Variants in LRP4 observed in about 807,000 individuals in gnomAD.
LRP4 encodes the protein low-density lipoprotein receptor-related protein 4.
A neutral mutation model predicts 220.3 loss-of-function variants in LRP4; 95 were observed. That is an observed-to-expected ratio of 0.43 (90% CI 0.37 to 0.51). LRP4 has a LOEUF of 0.51. LRP4 is among the 20% of genes least tolerant of loss of function. The pLI is 0.00. For missense variants in LRP4, 1,925 were observed against 2,567.0 expected, an observed-to-expected ratio of 0.75 and a Z score of 5.40; for synonymous variants, 903 against 954.6, an observed-to-expected ratio of 0.95 and a Z score of 1.00.
Position 46,913,215 on chromosome 11 carries a change from A to G in LRP4, c.52+5113T>C, listed in dbSNP as rs551628742. Among the ~76,000 whole-genome samples the G allele has an allele frequency of 2.6e-5, 4 of 152,296 alleles. No individual in the cohort carries two copies. In the South Asian group the frequency reaches 8.3e-4, roughly 32 times the overall value. ...CAGTGAAAGAATGAAGTCTGCTTGG[A>G]TGGGCGTAAGAGGCGCCCAAGGGCA... On this transcript the variant is annotated intron_variant, in intron 1 of 37. Transcript: ENST00000378623.
At chr11:46,869,208 T>A in intron 31 of LRP4, 76 bp from the exon 32 acceptor site, 1 of 1,417,428 alleles carries the variant, frequency 7.1e-7, no homozygotes, top group Non-Finnish European at 9.8e-7. Context: ...CTTCTGTGCC[T>A]CACCATGTGC....
In LRP4 at chr11:46,890,249, A is replaced by T. The variant is rs751774502; in HGVS notation, c.1915+28T>A. 8 of 1,612,108 alleles carry T rather than the reference A, an allele frequency of 5.0e-6. No individual in the cohort carries two copies. Among genetic ancestry groups the T allele is most frequent in the Non-Finnish European group, 5.9e-6 (7 of 1,178,384 alleles). On this transcript the variant is annotated intron_variant, in intron 14 of 37. Coordinates refer to ENST00000378623, the MANE Select transcript of LRP4 (RefSeq NM_002334.4). This position sits in a 1 kb window ranked among gnomAD's most constrained non-coding sequence, Gnocchi z 5.3. ...AGGGACGGGGGCAGGAGGACAAGAG[A>T]TGAAGGAGACTGAAGGAAGGGGCTC...
At chr11:46,864,126 G>A (rs1940631889) in intron 36 of LRP4, among the ~76,000 whole-genome samples, 1 of 152,198 alleles carries the variant, frequency 6.6e-6, no homozygotes, top group Admixed American at 6.5e-5. Context: ...ACTGGAAAAA[G>A]CAAAGATGTT....
chr11:46,915,124 C>A (rs1941928251), intron 1 of LRP4, among the ~76,000 whole-genome samples: 1 of 152,132 alleles, frequency 6.6e-6, no homozygotes, highest in Admixed American at 6.5e-5. Context: ...AAGAGGAAAT[C>A]CAAAATCAGT....
intron 30 of LRP4, 63 bp from the exon 31 acceptor site, chr11:46,871,696 CT>C (rs1940868985): frequency 2.7e-6 from 3 of 1,120,578 alleles, no homozygotes; most frequent in African/African-American, 1.5e-5. Context: ...GCTCTTCCCC[CT>C]ATGAACCTGT....
At chr11:46,903,113 C>T (rs1349117090) in intron 1 of LRP4, among the ~76,000 whole-genome samples, 184 bp from the exon 2 acceptor site, 1 of 152,126 alleles carries the variant, frequency 6.6e-6, no homozygotes, top group African/African-American at 2.4e-5. Context: ...CAGCAGATAC[C>T]CTCTGACTTT....
chr11:46,877,437 T>A, intron 22 of LRP4, 98 bp from the exon 23 acceptor site: 2 of 1,267,742 alleles, frequency 1.6e-6, no homozygotes, highest in Non-Finnish European at 2.3e-6. Flanking sequence ...CCCTGCTAGT[T>A]TCTAGCTATG....
chr11:46,890,158 T>A lies in LRP4; in HGVS notation c.1916-38A>T. 6.2e-7 allele frequency: 1 copy of A among 1,610,466 alleles called. No homozygotes were observed. The highest frequency in any genetic ancestry group is 8.5e-7 in the Non-Finnish European group (1 of 1,176,916). On this transcript the variant is annotated intron_variant, in intron 14 of 37. Coordinates refer to ENST00000378623, the MANE Select transcript of LRP4 (RefSeq NM_002334.4). The surrounding 1 kb of genome is among the most constrained non-coding windows in gnomAD (Gnocchi z 5.3). ...CAGGAAGACCTCAGTCTGGACGTGG[T>A]CTGCCATGTCCCCTGGGCCCAGGCC...
chr11:46,892,887 T>C (rs1941451020), intron 13 of LRP4, 86 bp downstream of exon 13: 18 of 1,516,156 alleles, frequency 1.2e-5, no homozygotes, highest in Non-Finnish European at 1.4e-5. Context: ...ACTTTGAGGA[T>C]GTACTCCCAG....
intron 15 of LRP4, 59 bp from the exon 16 acceptor site, chr11:46,889,592 C>T: frequency 6.2e-7 from 1 of 1,606,198 alleles, no homozygotes; most frequent in Non-Finnish European, 8.5e-7. Context: ...GACCCCAAGA[C>T]TAGGGAATAG....
chr11:46,877,356 A>G lies in LRP4; in HGVS notation c.3137-17T>C, dbSNP rs772688825. 1 of 1,613,988 alleles carries G rather than the reference A, an allele frequency of 6.2e-7. No individual in the cohort carries two copies. The highest frequency in any genetic ancestry group is 8.5e-7 in the Non-Finnish European group (1 of 1,179,994). ...TGTTCATGCCTGCCAGGTGGAGAGG[A>G]GGGAAGAGGATCACTCGAGCACAGC... On this transcript the variant is annotated splice_polypyrimidine_tract_variant and intron_variant, in intron 22 of 37. Coordinates refer to ENST00000378623, the MANE Select transcript of LRP4 (RefSeq NM_002334.4).
Position 46,859,278 on chromosome 11 carries a change from T to C in LRP4, c.5423A>G (p.Lys1808Arg), listed in dbSNP as rs1048709016. Residue 1808 changes from lysine to arginine, a missense_variant, in exon 38 of 38, where the codon AAG becomes AGG. Physicochemically the swap from Lys to Arg is conservative, Grantham distance 26 (BLOSUM62 2). Around this residue, in one of 3 missense-constraint regions of LRP4, gnomAD observed 1,244 missense variants for 1,624.9 expected, o/e 0.77. Coordinates refer to ENST00000378623, the MANE Select transcript of LRP4 (RefSeq NM_002334.4). ...CAGGAGGCAGATTCCCTCTACGATCTTGATCTTCTCCTTGGTGTAGTTATG... is the reference window on the plus strand; with the variant it reads ...CAGGAGGCAGATTCCCTCTACGATCCTGATCTTCTCCTTGGTGTAGTTATG... ...PDHNYTKEKI[K>R]IVEGICLLSG... The C allele has an allele frequency of 5.0e-6, 8 of 1,614,010 alleles. No homozygotes were observed. Among genetic ancestry groups the C allele is most frequent in the African/African-American group, 1.3e-5 (1 of 74,902 alleles).
At chr11:46,871,445 A>G in intron 31 of LRP4, 80 bp downstream of exon 31, 1 of 964,744 alleles carries the variant, frequency 1.0e-6, no homozygotes, top group Non-Finnish European at 1.6e-6. Flanking sequence ...AGTAGCAGCT[A>G]TAGCTGAGAC....
At position 46,890,147 on chromosome 11, in the gene LRP4, TCTGGAC is replaced by T; in HGVS notation, c.1916-33_1916-28del. On this transcript the variant is annotated intron_variant, in intron 14 of 37. Coordinates refer to ENST00000378623, the MANE Select transcript of LRP4 (RefSeq NM_002334.4). The surrounding 1 kb of genome is among the most constrained non-coding windows in gnomAD (Gnocchi z 5.3). ...TGGGGAAAGTCCAGGAAGACCTCAGTCTGGACGTGGTCTGCCATGTCCCCTGGGCCC... is the reference window on the plus strand; with the variant it reads ...TGGGGAAAGTCCAGGAAGACCTCAGTGTGGTCTGCCATGTCCCCTGGGCCC... 6.2e-7 allele frequency: 1 copy of T among 1,612,484 alleles called. No individual in the cohort carries two copies. Among genetic ancestry groups the T allele is most frequent in the Non-Finnish European group, 8.5e-7 (1 of 1,178,682 alleles).
chr11:46,916,517 C>T (rs1356663277), intron 1 of LRP4, among the ~76,000 whole-genome samples: 2 of 152,026 alleles, frequency 1.3e-5, no homozygotes, highest in Admixed American at 6.6e-5. Flanking sequence ...ATTAGACATA[C>T]GCAATTCTCT....
intron 12 of LRP4, 77 bp downstream of exon 12, chr11:46,894,512 A>G (rs2134849065): frequency 8.6e-7 from 1 of 1,160,828 alleles, no homozygotes; most frequent in East Asian, 2.6e-5. Flanking sequence ...AGGTTTGCAA[A>G]CCACTGGCCT....
At position 46,889,475 on chromosome 11, in the gene LRP4, G is replaced by A. The variant is rs114920029; in HGVS notation, c.2151C>T (p.Gly717=). 5.5e-4 allele frequency: 893 copies of A among 1,614,084 alleles called. 4 individuals are homozygous for A. In the African/African-American group the frequency reaches 0.011, roughly 20 times the overall value. ...GGCTHLCLPS[G]QNYTCACPTG... ...TGGGGCAGGCACAGGTGTAGTTCTG[G>A]CCACTGGGCAGACACAGGTGCGTGC... The change falls in exon 16 of 38, where the codon GGC becomes GGT. Residue 717 remains glycine, a synonymous_variant. Transcript: ENST00000378623.
chr11:46,895,084 G>C, intron 11 of LRP4, 82 bp downstream of exon 11: 1 of 1,570,390 alleles, frequency 6.4e-7, no homozygotes, highest in Non-Finnish European at 8.7e-7. Context: ...CTACCTCTCT[G>C]CAAATCCCTG....
chr11:46,895,090 C>A (rs1044588375), intron 11 of LRP4, 76 bp downstream of exon 11: 18 of 1,582,780 alleles, frequency 1.1e-5, no homozygotes, highest in Admixed American at 5.0e-5. Flanking sequence ...CTCTGCAAAT[C>A]CCTGAGCACC....
Sources: allele counts gnomAD v4.1 joint callset (sites outside exome capture counted in the v4.1 genomes callset), GRCh38; gene constraint gnomAD v4.1.1; regional missense constraint gnomAD v4.1.1; non-coding constraint Gnocchi (gnomAD v3.1); transcripts MANE v1.5; gene names NCBI Gene and HGNC (gene_info 2026-07-23, HGNC 2026-07-21).